LRRC4C: variants seen among roughly 807,000 people sequenced by gnomAD.
LRRC4C encodes leucine-rich repeat-containing protein 4C.
A neutral mutation model predicts 33.6 loss-of-function variants in LRRC4C; 5 were observed. That is an observed-to-expected ratio of 0.15 (90% CI 0.08 to 0.31). The LOEUF is 0.31. Among genes scored for constraint, LRRC4C ranks in the 10% least tolerant of loss-of-function variants. The pLI is 1.00. For synonymous variants in LRRC4C, 329 were observed against 302.0 expected (o/e 1.09, Z -0.93); for missense variants, 560 against 796.7 (o/e 0.70, Z 3.58).
At chr11:41,346,414 C>T (rs941999724) in intron 1 of LRRC4C, among the ~76,000 whole-genome samples, 3 of 152,128 alleles carry the variant, frequency 2.0e-5, no homozygotes, top group African/African-American at 7.2e-5. Context: ...AAGATGATTC[C>T]TCCTACCATT....
chr11:40,825,689 G>A (rs1322257200), intron 2 of LRRC4C, among the ~76,000 whole-genome samples: 2 of 151,774 alleles, frequency 1.3e-5, no homozygotes, highest in Admixed American at 1.3e-4. Context: ...TCAGAGAATA[G>A]TAGAGTAAAA....
intron 2 of LRRC4C, among the ~76,000 whole-genome samples, chr11:40,901,151 TTA>T (rs1264912256): frequency 6.6e-6 from 1 of 152,046 alleles, no homozygotes; most frequent in African/African-American, 2.4e-5. Flanking sequence ...CTGCCTGATC[TTA>T]TTTTTTAAAA....
At chr11:40,697,713 T>C (rs1022397057) in intron 2 of LRRC4C, among the ~76,000 whole-genome samples, 2 of 152,194 alleles carry the variant, frequency 1.3e-5, no homozygotes, top group Non-Finnish European at 2.9e-5. Context: ...CATATGGATA[T>C]GCAATTAAAT....
intron 4 of LRRC4C, among the ~76,000 whole-genome samples, chr11:40,261,709 ATT>A (rs536203947): frequency 6.6e-6 from 1 of 151,618 alleles, no homozygotes; most frequent in Non-Finnish European, 1.5e-5. Context: ...TAAAAAAAGA[ATT>A]TTTTTTGACA....
chr11:41,258,199 T>C (rs1051555811), intron 1 of LRRC4C, among the ~76,000 whole-genome samples: 6 of 151,932 alleles, frequency 3.9e-5, no homozygotes, highest in African/African-American at 1.2e-4. Flanking sequence ...AGGGAATAAA[T>C]TGCAGGATAA....
chr11:40,673,079 T>C (rs1333383416), intron 2 of LRRC4C, among the ~76,000 whole-genome samples: 1 of 152,108 alleles, frequency 6.6e-6, no homozygotes, highest in East Asian at 1.9e-4. Context: ...ATTCTGATTA[T>C]GCATATTATT....
In LRRC4C at chr11:40,552,431, C is replaced by T. The variant is rs192006933; in HGVS notation, c.-270+95711G>A. On this transcript the variant is annotated intron_variant, in intron 3 of 6. Transcript: ENST00000528697. The stretch of plus-strand genomic sequence containing the variant: ...CTTCAAAGCCCAATGGAAGCAGAGC[C>T]TCTAATAAATAAGTCTTTGATGGAA... Among the ~76,000 whole-genome samples the T allele has an allele frequency of 3.5e-4, 54 of 152,226 alleles. 1 individual carries two copies. The highest frequency in any genetic ancestry group is 3.4e-3 in the Middle Eastern group (1 of 294).
chr11:40,577,838 T>C (rs967544256), intron 3 of LRRC4C, among the ~76,000 whole-genome samples: 92 of 83,510 alleles, frequency 1.1e-3, no homozygotes, highest in East Asian at 0.011. Context: ...TTTTCTTTTT[T>C]TTTTTTTTTT....
chr11:41,409,520 A>G (rs545136892), intron 1 of LRRC4C, among the ~76,000 whole-genome samples: 7 of 152,192 alleles, frequency 4.6e-5, no homozygotes, highest in Non-Finnish European at 1.0e-4. Context: ...AGAATTTACT[A>G]TTGGGTTCCC....
chr11:40,690,769 A>C (rs1945187108), intron 2 of LRRC4C, among the ~76,000 whole-genome samples: 1 of 152,098 alleles, frequency 6.6e-6, no homozygotes, highest in Admixed American at 6.6e-5. Context: ...ATGTGCATAT[A>C]TTTTAGCTTA....
intron 1 of LRRC4C, among the ~76,000 whole-genome samples, chr11:41,335,685 TA>T: frequency 1.3e-5 from 2 of 152,312 alleles, no homozygotes; most frequent in East Asian, 3.9e-4. Context: ...TCTTGACTCA[TA>T]ATAGGTCTGC....
chr11:40,491,744 G>T (rs936653778), intron 3 of LRRC4C, among the ~76,000 whole-genome samples: 2 of 152,082 alleles, frequency 1.3e-5, no homozygotes, highest in Admixed American at 6.6e-5. Context: ...AAAATCAACT[G>T]ATTAGGGGCC....
intron 2 of LRRC4C, among the ~76,000 whole-genome samples, chr11:40,764,844 G>A (rs749771573): frequency 1.4e-4 from 21 of 152,170 alleles, no homozygotes; most frequent in African/African-American, 2.7e-4. Flanking sequence ...AAGGCAGTAC[G>A]TCTACAAGTC....
At chr11:40,949,813 G>A (rs1487449941) in intron 1 of LRRC4C, among the ~76,000 whole-genome samples, 3 of 151,622 alleles carry the variant, frequency 2.0e-5, no homozygotes, top group African/African-American at 4.8e-5. Context: ...ATCAACTAAC[G>A]AGCAAAATAA....
At chr11:40,376,741 G>GTGTGTA (rs1429001880) in intron 3 of LRRC4C, among the ~76,000 whole-genome samples, 1 of 151,968 alleles carries the variant, frequency 6.6e-6, no homozygotes. Context: ...GTGTGTGTGT[G>GTGTGTA]TGTGTATGTG....
intron 1 of LRRC4C, among the ~76,000 whole-genome samples, chr11:41,296,447 TG>T (rs1338063885): frequency 3.9e-5 from 6 of 152,054 alleles, no homozygotes; most frequent in Non-Finnish European, 8.8e-5. Flanking sequence ...CCTGAGTATC[TG>T]GGATTACAGG....
chr11:40,343,725 A>AAAAAAAG (rs1555025545), intron 3 of LRRC4C, among the ~76,000 whole-genome samples: 1 of 151,200 alleles, frequency 6.6e-6, no homozygotes, highest in African/African-American at 2.4e-5. Flanking sequence ...AAAAAAAAAA[A>AAAAAAAG]AGAGAGAGAC....
intron 3 of LRRC4C, among the ~76,000 whole-genome samples, chr11:40,437,147 G>A (rs1355117887): frequency 1.3e-5 from 2 of 152,260 alleles, no homozygotes; most frequent in East Asian, 3.9e-4. Flanking sequence ...TAATGGAAGC[G>A]AGAACTATGA....
intron 1 of LRRC4C, among the ~76,000 whole-genome samples, chr11:41,411,142 A>ATTTTTTTTTTTTTTTG (rs1954465151): frequency 1.7e-5 from 1 of 57,240 alleles, no homozygotes; most frequent in African/African-American, 1.2e-4. Context: ...TTGGTACCCT[A>ATTTTTTTTTTTTTTTG]TTTTTTTTTT....
Sources: gnomAD v4.1 joint callset for allele counts (sites outside exome capture counted in the v4.1 genomes callset) on GRCh38, gnomAD v4.1.1 for gene constraint, MANE v1.5 for transcripts, NCBI Gene and HGNC (gene_info 2026-07-23, HGNC 2026-07-21) for gene names.